The following MORC3 variants were observed in gnomAD, a reference collection of about 807,000 sequenced individuals.
MORC3 encodes the protein MORC family CW-type zinc finger protein 3.
A neutral mutation model predicts 109.1 loss-of-function variants in MORC3; 31 were observed. That is an observed-to-expected ratio of 0.28 (90% CI 0.21 to 0.38). The LOEUF is 0.38. MORC3 is among the 10% of genes least tolerant of loss of function. MORC3 has a pLI of 1.00. For synonymous variants in MORC3, 395 were observed against 380.7 expected (o/e 1.04, Z -0.44); for missense variants, 867 against 1,135.8 (o/e 0.76, Z 3.40).
chr21:36,356,792 T>C lies in MORC3; in HGVS notation c.1208+68T>C. On this transcript the variant is annotated intron_variant, in intron 10 of 16. Transcript: ENST00000400485. Reference sequence around the variant, plus strand: ...GATGTGGTATTAGAGAGTAAAGGGATTGTACAATGTTTCACAAACTTAGGA... The same window carrying C: ...GATGTGGTATTAGAGAGTAAAGGGACTGTACAATGTTTCACAAACTTAGGA... 14 of 936,922 alleles carry C rather than the reference T, an allele frequency of 1.5e-5. No homozygotes were observed. In the South Asian group the frequency reaches 2.5e-4, roughly 17 times the overall value. 58.0% of individuals were successfully genotyped at this position (936,922 alleles called of 1,614,324 possible).
In MORC3 at chr21:36,333,652, C is replaced by G; in HGVS notation, c.46C>G (p.Pro16Ala). The G allele has an allele frequency of 6.2e-7, 1 of 1,612,594 alleles. No individual in the cohort carries two copies. Among genetic ancestry groups the G allele is most frequent in the Non-Finnish European group, 8.5e-7 (1 of 1,178,896 alleles). Residue 16 changes from proline to alanine, a missense_variant, in exon 2 of 17, where the codon CCG becomes GCG. Around this residue, in one of 7 missense-constraint regions of MORC3, gnomAD observed 53 missense variants for 130.3 expected, o/e 0.41. Coordinates refer to ENST00000400485, the MANE Select transcript of MORC3 (RefSeq NM_015358.3). ...GACCTTTTGTTTGTTTCAGCTTTGC[C>G]CGAAGTTTTTACATACAAATTCTAC... is the stretch of plus-strand genomic sequence containing the variant. ...PRGIRLSALC[P>A]KFLHTNSTSH...
chr21:36,362,354 C>A, intron 13 of MORC3, 126 bp downstream of exon 13: 1 of 1,026,950 alleles, frequency 9.7e-7, no homozygotes. Context: ...ACCAGCCTGG[C>A]CAACATGGTG....
chr21:36,349,466 G>C, intron 9 of MORC3, 58 bp downstream of exon 9: 1 of 1,117,594 alleles, frequency 8.9e-7, no homozygotes, highest in Admixed American at 2.6e-5. Flanking sequence ...TACCAAGAAA[G>C]CAGGAACTAC....
intron 8 of MORC3, among the ~76,000 whole-genome samples, 173 bp from the exon 9 acceptor site, chr21:36,349,138 A>G (rs145928439): frequency 7.3e-4 from 111 of 152,224 alleles, no homozygotes; most frequent in African/African-American, 2.4e-3. Flanking sequence ...AGCCTGGGTG[A>G]CCAAATGAGA....
At chr21:36,329,248 TTA>T (rs1378279899) in intron 1 of MORC3, among the ~76,000 whole-genome samples, 1 of 151,986 alleles carries the variant, frequency 6.6e-6, no homozygotes, top group African/African-American at 2.4e-5. Flanking sequence ...TGAGCCGAGA[TTA>T]TGTCATTGCA....
chr21:36,369,690 G>A lies in MORC3; in HGVS notation c.2322G>A (p.Gln774=). Residue 774 remains glutamine (Q), a synonymous_variant, in exon 15 of 17, where the codon CAG becomes CAA. Coordinates refer to ENST00000400485, the MANE Select transcript of MORC3 (RefSeq NM_015358.3). ...CAGACCATATGGTATCTCAGTATCA[G>A]CAAGCTTTGGAAGAAATAGAAAGGC... ...ESPDHMVSQY[Q]QALEEIERLK... 1 of 1,614,206 alleles carries A rather than the reference G, an allele frequency of 6.2e-7. No homozygotes were observed. Among genetic ancestry groups the A allele is most frequent in the South Asian group, 1.1e-5 (1 of 91,080 alleles).
chr21:36,361,994 GA>G, intron 12 of MORC3, 188 bp from the exon 13 acceptor site: 2 of 667,832 alleles, frequency 3.0e-6, no homozygotes, highest in East Asian at 5.6e-5. Flanking sequence ...GGTGAGGATG[GA>G]AAAATTCAGG....
At chr21:36,373,856 T>C (rs1469045990) in intron 16 of MORC3, among the ~76,000 whole-genome samples, 1 of 152,196 alleles carries the variant, frequency 6.6e-6, no homozygotes, top group East Asian at 1.9e-4. Flanking sequence ...ACTGTAACAC[T>C]CATTTTATGT....
At chr21:36,349,250 G>T in intron 8 of MORC3, 61 bp from the exon 9 acceptor site, 1 of 992,794 alleles carries the variant, frequency 1.0e-6, no homozygotes, top group South Asian at 1.4e-5. Flanking sequence ...ATTCTTTAAG[G>T]GTAATTATTT....
chr21:36,324,299 G>T (rs2146283411), intron 1 of MORC3, among the ~76,000 whole-genome samples: 1 of 149,434 alleles, frequency 6.7e-6, no homozygotes, highest in African/African-American at 2.5e-5. Flanking sequence ...TTTTGAGATG[G>T]AGTCTTCTCG....
intron 3 of MORC3, 71 bp downstream of exon 3, chr21:36,337,077 T>C (rs1338241236): frequency 6.5e-7 from 1 of 1,533,972 alleles, no homozygotes; most frequent in Non-Finnish European, 8.8e-7. Flanking sequence ...CCATACTTAC[T>C]ATTCTTGGTT....
chr21:36,329,398 T>A (rs930643836), intron 1 of MORC3, among the ~76,000 whole-genome samples: 1 of 152,216 alleles, frequency 6.6e-6, no homozygotes, highest in Non-Finnish European at 1.5e-5. Context: ...TGGACAGGCT[T>A]GCTTTACAAT....
intron 1 of MORC3, among the ~76,000 whole-genome samples, chr21:36,321,836 C>G (rs77150091): frequency 6.6e-6 from 1 of 152,230 alleles, no homozygotes; most frequent in East Asian, 1.9e-4. Context: ...TTCTCTTCTC[C>G]CTTCCCGCCC....
At position 36,344,964 on chromosome 21, in the gene MORC3, A is replaced by G. The variant is rs760183242; in HGVS notation, c.938A>G (p.Tyr313Cys). The change falls in exon 8 of 17, where the codon TAT (tyrosine) becomes TGT (cysteine). Residue 313 changes from tyrosine (Y) to cysteine (C), a missense_variant. Transcript: ENST00000400485. ...TTCAACTGCAGAAATAAAGATCATT[A>G]TGGGATAATGATGTATCACAGAAAT... ...FGFNCRNKDHYGIMMYHRNRL... is the reference protein window; with the variant it reads ...FGFNCRNKDHCGIMMYHRNRL... The G allele has an allele frequency of 6.9e-5, 112 of 1,612,378 alleles. No homozygotes were observed. Among genetic ancestry groups the G allele is most frequent in the Non-Finnish European group, 9.0e-5 (106 of 1,179,076 alleles).
intron 15 of MORC3, among the ~76,000 whole-genome samples, chr21:36,370,402 G>C (rs2085841660): frequency 2.0e-5 from 3 of 151,904 alleles, no homozygotes; most frequent in Admixed American, 2.0e-4. Context: ...GGGTAGCCAG[G>C]TATGGTAAAT....
chr21:36,346,604 T>C (rs559230524), intron 8 of MORC3, among the ~76,000 whole-genome samples: 36 of 151,022 alleles, frequency 2.4e-4, no homozygotes, highest in African/African-American at 8.5e-4. Context: ...AGCCCAGGAG[T>C]TCAAGACCAG....
chr21:36,323,611 C>T (rs1432610026), intron 1 of MORC3, among the ~76,000 whole-genome samples: 1 of 152,088 alleles, frequency 6.6e-6, no homozygotes, highest in Non-Finnish European at 1.5e-5. Flanking sequence ...GCTACCCTTG[C>T]TCTTTCTTTA....
chr21:36,358,240 C>G (rs1002192737), intron 10 of MORC3, among the ~76,000 whole-genome samples: 12 of 151,570 alleles, frequency 7.9e-5, no homozygotes, highest in African/African-American at 2.9e-4. Context: ...CAAAAAGTAG[C>G]CAGGCATAGT....
chr21:36,337,699 A>G, intron 3 of MORC3, 33 bp from the exon 4 acceptor site: 3 of 1,372,172 alleles, frequency 2.2e-6, no homozygotes, highest in Non-Finnish European at 3.0e-6. Flanking sequence ...GATTATAGGT[A>G]TTTATTTTTA....
Sources: gnomAD v4.1 joint callset for allele counts (sites outside exome capture counted in the v4.1 genomes callset) on GRCh38, gnomAD v4.1.1 for gene constraint, gnomAD v4.1.1 regional missense constraint, MANE v1.5 for transcripts, NCBI Gene and HGNC (gene_info 2026-07-23, HGNC 2026-07-21) for gene names.